Variants in UGP2 observed in about 807,000 individuals in gnomAD.
UGP2 encodes UTP--glucose-1-phosphate uridylyltransferase.
UGP2 carries 40 observed loss-of-function variants against 49.0 expected under a neutral mutation model. The ratio of observed to expected loss-of-function variants is 0.82; its 90% CI spans 0.63 to 1.06. UGP2 has a LOEUF of 1.06. Among genes scored for constraint, UGP2 ranks in the 50% least tolerant of loss-of-function variants. The pLI is 0.00. For missense variants in UGP2, 460 were observed against 603.5 expected, an observed-to-expected ratio of 0.76 and a Z score of 2.49; for synonymous variants, 225 against 213.0, an observed-to-expected ratio of 1.06 and a Z score of -0.49.
At chr2:63,874,295 C>T (rs1670759737) in intron 3 of UGP2, among the ~76,000 whole-genome samples, 2 of 152,064 alleles carry the variant, frequency 1.3e-5, no homozygotes, top group African/African-American at 4.8e-5. Context: ...TAAAAGACTG[C>T]CACTTGAGAG....
intron 1 of UGP2, 44 bp from the exon 2 acceptor site, chr2:63,856,262 C>T: frequency 6.3e-7 from 1 of 1,594,146 alleles, no homozygotes; most frequent in African/African-American, 1.4e-5. Flanking sequence ...GTTTGAATGG[C>T]TTCCTGGAGT....
intron 3 of UGP2, among the ~76,000 whole-genome samples, chr2:63,864,505 A>T (rs1377237298): frequency 2.6e-5 from 4 of 152,232 alleles, no homozygotes; most frequent in Admixed American, 2.6e-4. Flanking sequence ...CTTACATGAT[A>T]CTCAGATAAC....
chr2:63,887,157 G>C (rs148792615), intron 7 of UGP2, among the ~76,000 whole-genome samples: 1 of 151,822 alleles, frequency 6.6e-6, no homozygotes, highest in Non-Finnish European at 1.5e-5. Flanking sequence ...CCAGCTACTC[G>C]GGAAGCTGAG....
At chr2:63,883,215 AGTAT>A (rs2104353937) in intron 4 of UGP2, 1 of 152,368 alleles carries the variant, frequency 6.6e-6, no homozygotes, top group African/African-American at 2.4e-5. Flanking sequence ...TTGTCCACCA[AGTAT>A]TATTCTGAGC....
chr2:63,846,252 T>G (rs1341455434), intron 1 of UGP2: 5 of 152,198 alleles, frequency 3.3e-5, no homozygotes, highest in African/African-American at 9.7e-5. Flanking sequence ...GCGGGGGTCA[T>G]CAGCAGCTGT....
At chr2:63,879,251 C>CCTAT (rs1671132391) in intron 3 of UGP2, among the ~76,000 whole-genome samples, 1 of 152,058 alleles carries the variant, frequency 6.6e-6, no homozygotes, top group East Asian at 1.9e-4. Context: ...CCTAAAGATA[C>CCTAT]CTATCTAATG....
At chr2:63,848,089 A>T (rs1206121472) in intron 1 of UGP2, among the ~76,000 whole-genome samples, 1 of 152,228 alleles carries the variant, frequency 6.6e-6, no homozygotes, top group East Asian at 1.9e-4. Context: ...TTCCAGCAAT[A>T]TGAATAAATT....
At chr2:63,859,512 G>A (rs1445655099) in intron 3 of UGP2, among the ~76,000 whole-genome samples, 1 of 151,986 alleles carries the variant, frequency 6.6e-6, no homozygotes, top group South Asian at 2.1e-4. Context: ...TTGAAGTGGG[G>A]GTCAGAGGGT....
intron 3 of UGP2, among the ~76,000 whole-genome samples, chr2:63,861,286 C>A (rs1669823370): frequency 6.6e-6 from 1 of 152,034 alleles, no homozygotes; most frequent in African/African-American, 2.4e-5. Flanking sequence ...TGGTCTTGGC[C>A]AAGCTTACAC....
intron 4 of UGP2, 51 bp downstream of exon 4, chr2:63,882,702 T>C: frequency 7.0e-7 from 1 of 1,435,942 alleles, no homozygotes; most frequent in Non-Finnish European, 9.2e-7. Context: ...TTTTTAGTTT[T>C]TAAGTTATCA....
chr2:63,891,063 G>A (rs1023826640), intron 9 of UGP2, 57 bp from the exon 10 acceptor site: 10 of 1,456,696 alleles, frequency 6.9e-6, no homozygotes, highest in Admixed American at 3.7e-5. Flanking sequence ...ATCACTGTAA[G>A]ATAATCAAAT....
intron 2 of UGP2, 39 bp downstream of exon 2, chr2:63,856,472 C>T (rs1219766495): frequency 6.6e-7 from 1 of 1,526,466 alleles, no homozygotes; most frequent in African/African-American, 1.4e-5. Context: ...CCCCGCCCCT[C>T]CCTTCATCTG....
At chr2:63,841,848 C>T (rs1188077381), upstream of UGP2, 2 of 237,368 alleles carry the variant, frequency 8.4e-6, no homozygotes, top group Non-Finnish European at 1.6e-5. Context: ...GCTGTAGGTC[C>T]GCCTCTTTCA....
rs1491554783 is a variant in UGP2, at chr2:63,891,352, A to AGAG, written c.*126_*128dup. 6.4e-5 allele frequency: 43 copies of AGAG among 667,412 alleles called. No homozygotes were observed. The highest frequency in any genetic ancestry group is 9.2e-5 in the Non-Finnish European group (39 of 425,370). The allele number at this position is 667,412 out of a possible 1,614,324, so 41.3% of individuals were successfully genotyped here. On this transcript the variant is annotated 3_prime_UTR_variant, in exon 10 of 10. Transcript: ENST00000337130. ...ACCCTGCAGTGTTGATTTTTAAAAT[A>AGAG]GAGTTTTCTGCAGTATGCTTTTAGT...
intron 8 of UGP2, 148 bp downstream of exon 8, chr2:63,887,792 C>T: frequency 8.9e-6 from 9 of 1,013,024 alleles, no homozygotes; most frequent in African/African-American, 1.6e-5. Flanking sequence ...AGGGAATTGA[C>T]CATAGAAGAT....
chr2:63,861,687 C>CAAA (rs34304544), intron 3 of UGP2, among the ~76,000 whole-genome samples: 32 of 91,570 alleles, frequency 3.5e-4, no homozygotes, highest in African/African-American at 1.0e-3. Context: ...GATCCTGTCT[C>CAAA]AAAAAAAAAA....
chr2:63,858,341 G>C (rs1205003282), intron 3 of UGP2, among the ~76,000 whole-genome samples: 5 of 152,056 alleles, frequency 3.3e-5, no homozygotes, highest in Non-Finnish European at 7.4e-5. Context: ...TATTTTATTG[G>C]AATACAGCTT....
intron 3 of UGP2, among the ~76,000 whole-genome samples, chr2:63,858,223 A>G (rs916084182): frequency 6.6e-6 from 1 of 152,214 alleles, no homozygotes; most frequent in Non-Finnish European, 1.5e-5. Flanking sequence ...TAAATATCCC[A>G]TAAGAGCTTC....
At chr2:63,843,198 C>G (rs555244875) in intron 1 of UGP2, among the ~76,000 whole-genome samples, 2 of 152,228 alleles carry the variant, frequency 1.3e-5, no homozygotes, top group African/African-American at 2.4e-5. Flanking sequence ...TTTATTAACT[C>G]TTCTTTAAAT....
Sources: gnomAD v4.1 joint callset for allele counts (sites outside exome capture counted in the v4.1 genomes callset) on GRCh38, gnomAD v4.1.1 for gene constraint, MANE v1.5 for transcripts, NCBI Gene and HGNC (gene_info 2026-07-23, HGNC 2026-07-21) for gene names.